The following RSPO4 variants were observed in gnomAD, a reference collection of about 807,000 sequenced individuals.
RSPO4 encodes the protein R-spondin 4.
Under a neutral mutation model 24.8 loss-of-function variants are expected in RSPO4, and 23 were observed. The observed-to-expected ratio is 0.93, with a 90% CI of 0.67 to 1.31. The LOEUF (loss-of-function observed/expected upper bound fraction) is 1.31. RSPO4 is among the 40% of genes most tolerant of loss of function. The pLI, the probability that RSPO4 is intolerant of heterozygous loss-of-function variation, is 0.00. For synonymous variants in RSPO4, 141 were observed against 127.4 expected (o/e 1.11, Z -0.72); for missense variants, 333 against 316.5 (o/e 1.05, Z -0.39).
intron 1 of RSPO4, among the ~76,000 whole-genome samples, chr20:977,241 T>A (rs1984594154): frequency 6.6e-6 from 1 of 152,206 alleles, no homozygotes; most frequent in Non-Finnish European, 1.5e-5. Flanking sequence ...GAATCCGCAT[T>A]GCTAACAGGT....
At chr20:973,250 C>A (rs533473550) in intron 1 of RSPO4, among the ~76,000 whole-genome samples, 1 of 152,314 alleles carries the variant, frequency 6.6e-6, no homozygotes, top group South Asian at 2.1e-4. Flanking sequence ...GACAGCAAAG[C>A]AGGATGAGAT....
intron 4 of RSPO4, 98 bp downstream of exon 4, chr20:963,837 C>A: frequency 1.6e-6 from 2 of 1,252,374 alleles, no homozygotes; most frequent in Non-Finnish European, 2.3e-6. Flanking sequence ...GCCTTTCAGG[C>A]AGTCTCATAG....
chr20:960,415 T>A lies in RSPO4; in HGVS notation c.647A>T (p.Asp216Val). The change falls in exon 5 of 5, where the codon GAC (aspartate) becomes GTC (valine). Residue 216 changes from aspartate to valine, a missense_variant. Physicochemically the swap from Asp to Val is radical, Grantham distance 152. Transcript: ENST00000217260. The stretch of plus-strand genomic sequence containing the variant: ...GTCCAGCCTGCGGTCCAGCTTCCTG[T>A]CCTTGCGTGGGCGCCGGTCCTTCCT... ...KGRKDRRPRK[D>V]RKLDRRLDVR... The A allele has an allele frequency of 6.5e-7, 1 of 1,539,944 alleles. No homozygotes were observed. Among genetic ancestry groups the A allele is most frequent in the Non-Finnish European group, 8.7e-7 (1 of 1,147,682 alleles).
chr20:965,931 G>A (rs1984180924), intron 3 of RSPO4, among the ~76,000 whole-genome samples: 1 of 152,194 alleles, frequency 6.6e-6, no homozygotes, highest in Non-Finnish European at 1.5e-5. Context: ...GTGAATAAAT[G>A]AACAGATTGG....
intron 1 of RSPO4, among the ~76,000 whole-genome samples, chr20:996,115 C>G (rs1385786143): frequency 6.6e-6 from 1 of 151,978 alleles, no homozygotes; most frequent in Non-Finnish European, 1.5e-5. Context: ...GAGTACATGA[C>G]AGATTGTATG....
chr20:968,114 C>A lies in RSPO4; in HGVS notation c.104G>T (p.Cys35Phe). 6.2e-7 allele frequency: 1 copy of A among 1,614,112 alleles called. No individual in the cohort carries two copies. Among genetic ancestry groups the A allele is most frequent in the Non-Finnish European group, 8.5e-7 (1 of 1,180,020 alleles). ...CTCTGAGCAGATGATACAGCCTGTG[C>A]AGTTGCCCCCCAGGCCAGTGCCCAC... ...KQVGTGLGGN[C>F]TGCIICSEEN... Residue 35 changes from cysteine to phenylalanine, a missense_variant, in exon 2 of 5, where the codon TGC becomes TTC. By Grantham distance (205) the Cys-to-Phe change is radical. Transcript: ENST00000217260.
At chr20:986,023 T>C (rs1045092954) in intron 1 of RSPO4, among the ~76,000 whole-genome samples, 1 of 152,254 alleles carries the variant, frequency 6.6e-6, no homozygotes, top group African/African-American at 2.4e-5. Flanking sequence ...CAATTTCCTA[T>C]ATTTGGTCAA....
At chr20:999,311 G>A (rs189122931) in intron 1 of RSPO4, among the ~76,000 whole-genome samples, 128 of 152,252 alleles carry the variant, frequency 8.4e-4, no homozygotes, top group African/African-American at 3.0e-3. Context: ...CATCGCACCT[G>A]GGTTACACTG....
chr20:960,526 C>T, intron 4 of RSPO4, 60 bp from the exon 5 acceptor site: 2 of 1,253,800 alleles, frequency 1.6e-6, no homozygotes, highest in African/African-American at 1.5e-5. Context: ...GTCCTGGGAG[C>T]CTCCTCAGTC....
At chr20:997,390 C>T (rs1985329418) in intron 1 of RSPO4, among the ~76,000 whole-genome samples, 1 of 152,204 alleles carries the variant, frequency 6.6e-6, no homozygotes, top group African/African-American at 2.4e-5. Context: ...GCAAATGGAG[C>T]TCAATTGATT....
chr20:974,309 G>A (rs1984497638), intron 1 of RSPO4, among the ~76,000 whole-genome samples: 1 of 152,210 alleles, frequency 6.6e-6, no homozygotes, highest in African/African-American at 2.4e-5. Context: ...GCATGACTCT[G>A]ACCCTAACCA....
intron 1 of RSPO4, among the ~76,000 whole-genome samples, chr20:980,514 G>A (rs1468753270): frequency 1.3e-5 from 2 of 152,166 alleles, no homozygotes; most frequent in Non-Finnish European, 2.9e-5. Flanking sequence ...CAATCAAGGG[G>A]TGAAATGCCC....
chr20:976,009 A>G (rs1228859410), intron 1 of RSPO4, among the ~76,000 whole-genome samples: 1 of 152,020 alleles, frequency 6.6e-6, no homozygotes, highest in African/African-American at 2.4e-5. Context: ...AAATCTAAAG[A>G]CGTGTAACAA....
intron 4 of RSPO4, among the ~76,000 whole-genome samples, chr20:963,045 C>A (rs1237817399): frequency 6.6e-6 from 1 of 152,248 alleles, no homozygotes; most frequent in African/African-American, 2.4e-5. Flanking sequence ...CAAGCACACC[C>A]TGTGGCCTCT....
intron 2 of RSPO4, 64 bp downstream of exon 2, chr20:967,886 G>A (rs768850685): frequency 1.4e-4 from 206 of 1,451,098 alleles, no homozygotes; most frequent in Middle Eastern, 1.1e-3. Context: ...GTGAAAGGGT[G>A]GGATCTAAGC....
intron 1 of RSPO4, among the ~76,000 whole-genome samples, chr20:976,020 T>C (rs954059880): frequency 6.6e-6 from 1 of 152,182 alleles, no homozygotes; most frequent in South Asian, 2.1e-4. Context: ...CGTGTAACAA[T>C]GCAGGTTCCC....
rs1290982728 is a variant in RSPO4, at chr20:981,961, T to C, written c.80-13823A>G. ...GACCTGCCCTGGACCACATCTATTC[T>C]GCCCTCCATTAGCTACTCATTAAGA... On this transcript the variant is annotated intron_variant, in intron 1 of 4. Coordinates refer to ENST00000217260, the MANE Select transcript of RSPO4 (RefSeq NM_001029871.4). This position sits in a 1 kb window ranked among gnomAD's most constrained non-coding sequence, Gnocchi z 4.6. Among the ~76,000 whole-genome samples, 1 of 152,192 alleles carries C rather than the reference T, an allele frequency of 6.6e-6. No individual in the cohort carries two copies.
chr20:968,210 T>C, intron 1 of RSPO4, 72 bp from the exon 2 acceptor site: 1 of 1,403,918 alleles, frequency 7.1e-7, no homozygotes. Context: ...TGCGAGCAGC[T>C]GAGATGGTCT....
At chr20:989,999 G>T (rs568402820) in intron 1 of RSPO4, among the ~76,000 whole-genome samples, 1 of 152,232 alleles carries the variant, frequency 6.6e-6, no homozygotes, top group African/African-American at 2.4e-5. Flanking sequence ...AACCCCACAA[G>T]GTGGGGGCTA....
Sources: gnomAD v4.1 joint callset for allele counts (sites outside exome capture counted in the v4.1 genomes callset) on GRCh38, gnomAD v4.1.1 for gene constraint, Gnocchi (gnomAD v3.1) non-coding constraint, MANE v1.5 for transcripts, NCBI Gene and HGNC (gene_info 2026-07-23, HGNC 2026-07-21) for gene names.